The following AGBL1 variants were observed in gnomAD, a reference collection of about 807,000 sequenced individuals.
AGBL1 encodes the protein cytosolic carboxypeptidase 4.
A neutral mutation model predicts 118.9 loss-of-function variants in AGBL1; 130 were observed. That is an observed-to-expected ratio of 1.09 (90% CI 0.95 to 1.26). AGBL1 has a LOEUF of 1.26. Among genes scored for constraint, AGBL1 ranks in the 50% most tolerant of loss-of-function variants. AGBL1 has a pLI of 0.00. For missense variants in AGBL1, 1,584 were observed against 1,298.1 expected (o/e 1.22, Z -3.38); for synonymous variants, 555 against 478.9 (o/e 1.16, Z -2.08).
chr15:86,961,525 G>T (rs1227736025), intron 23 of AGBL1, among the ~76,000 whole-genome samples: 1 of 152,026 alleles, frequency 6.6e-6, no homozygotes, highest in Non-Finnish European at 1.5e-5. Flanking sequence ...TACACACAGG[G>T]GAGAGGGTCC....
chr15:86,252,175 G>C (rs547050905), intron 7 of AGBL1, among the ~76,000 whole-genome samples: 1 of 152,296 alleles, frequency 6.6e-6, no homozygotes, highest in Admixed American at 6.5e-5. Flanking sequence ...AGAACCACTG[G>C]AATAAGAACT....
intron 16 of AGBL1, among the ~76,000 whole-genome samples, chr15:86,282,441 A>C (rs977266523): frequency 6.6e-6 from 1 of 152,202 alleles, no homozygotes; most frequent in African/African-American, 2.4e-5. Context: ...CCTCCAGGGA[A>C]GTTTGTGGAG....
intron 21 of AGBL1, among the ~76,000 whole-genome samples, chr15:86,554,759 A>G (rs1328180455): frequency 6.6e-6 from 1 of 152,134 alleles, no homozygotes; most frequent in African/African-American, 2.4e-5. Flanking sequence ...TTGGTTCCTC[A>G]ATCAGCTGCC....
intron 21 of AGBL1, among the ~76,000 whole-genome samples, chr15:86,578,380 G>A (rs573609237): frequency 3.2e-4 from 48 of 152,278 alleles, no homozygotes; most frequent in African/African-American, 1.0e-3. Flanking sequence ...TATCTAGGAG[G>A]TAACTAACTT....
At chr15:86,718,568 G>A (rs1384656682) in intron 22 of AGBL1, among the ~76,000 whole-genome samples, 1 of 152,152 alleles carries the variant, frequency 6.6e-6, no homozygotes, top group East Asian at 1.9e-4. Context: ...TGATGGAGAA[G>A]CAAGCAATCA....
At chr15:86,079,798 G>A (rs1311639469), upstream of AGBL1, 5 of 403,980 alleles carry the variant, frequency 1.2e-5, no homozygotes, top group Admixed American at 8.9e-5. Context: ...GGGTATTCAC[G>A]CCTGTGCCGA....
At chr15:86,977,109 A>G (rs972732029) in intron 23 of AGBL1, among the ~76,000 whole-genome samples, 4 of 152,104 alleles carry the variant, frequency 2.6e-5, no homozygotes, top group Middle Eastern at 3.4e-3. Context: ...TACATCTTAT[A>G]TAAAGATTTC....
At chr15:86,586,363 T>G (rs2084247879) in intron 21 of AGBL1, among the ~76,000 whole-genome samples, 3 of 152,192 alleles carry the variant, frequency 2.0e-5, no homozygotes, top group African/African-American at 7.2e-5. Flanking sequence ...TATTAGAACT[T>G]ACTATGTGTT....
intron 18 of AGBL1, among the ~76,000 whole-genome samples, chr15:86,486,615 A>C (rs1209460165): frequency 1.3e-5 from 2 of 152,172 alleles, no homozygotes; most frequent in Non-Finnish European, 2.9e-5. Context: ...AGTTGTCATG[A>C]GTAAAGAACT....
At chr15:86,175,337 A>G (rs946622064) in intron 5 of AGBL1, among the ~76,000 whole-genome samples, 4 of 151,898 alleles carry the variant, frequency 2.6e-5, no homozygotes, top group Admixed American at 2.6e-4. Context: ...TATTCTTTGT[A>G]CTTCTGTGGT....
chr15:86,317,505 A>G (rs1243767879), intron 17 of AGBL1, among the ~76,000 whole-genome samples: 1 of 152,230 alleles, frequency 6.6e-6, no homozygotes, highest in African/African-American at 2.4e-5. Context: ...GGCAGTATGA[A>G]TGATGAATCG....
At chr15:86,487,518 C>G (rs1266488342) in intron 18 of AGBL1, among the ~76,000 whole-genome samples, 1 of 151,688 alleles carries the variant, frequency 6.6e-6, no homozygotes, top group African/African-American at 2.4e-5. Context: ...CTTAGAAATG[C>G]AGATACTTCT....
At chr15:86,517,671 T>C (rs1464764559) in intron 18 of AGBL1, among the ~76,000 whole-genome samples, 2 of 152,222 alleles carry the variant, frequency 1.3e-5, no homozygotes, top group African/African-American at 4.8e-5. Flanking sequence ...TCTGGATTAT[T>C]GACTCTCCTG....
At chr15:86,171,954 A>G (rs1320743700) in intron 5 of AGBL1, among the ~76,000 whole-genome samples, 1 of 152,216 alleles carries the variant, frequency 6.6e-6, no homozygotes. Context: ...AAAACCAAAC[A>G]TCTTATGTTC....
At chr15:86,769,926 C>T (rs966695746) in intron 22 of AGBL1, among the ~76,000 whole-genome samples, 3 of 151,802 alleles carry the variant, frequency 2.0e-5, no homozygotes, top group Non-Finnish European at 4.4e-5. Flanking sequence ...AGTGCATATC[C>T]CAGAACAAAG....
At chr15:86,815,886 A>G (rs1050518397) in intron 22 of AGBL1, among the ~76,000 whole-genome samples, 2 of 152,240 alleles carry the variant, frequency 1.3e-5, no homozygotes, top group African/African-American at 4.8e-5. Context: ...AGCAAAGGAG[A>G]TTTTCATAAA....
intron 22 of AGBL1, among the ~76,000 whole-genome samples, chr15:86,759,830 T>C (rs28725282): frequency 0.044 from 6,658 of 152,222 alleles, 467 homozygotes; most frequent in African/African-American, 0.15. Context: ...GAAACATTTA[T>C]TGTAATCATT....
At chr15:86,241,705 G>A (rs1051950980) in intron 6 of AGBL1, among the ~76,000 whole-genome samples, 3 of 152,176 alleles carry the variant, frequency 2.0e-5, no homozygotes. Context: ...GCCTAATCAT[G>A]TCTTCAAGGC....
chr15:86,111,881 A>G (rs1052283265), intron 1 of AGBL1, among the ~76,000 whole-genome samples: 4 of 152,180 alleles, frequency 2.6e-5, no homozygotes, highest in African/African-American at 7.2e-5. Flanking sequence ...CTCTCTCATT[A>G]CTGCCTAAAC....
Sources: gnomAD v4.1 joint callset for allele counts (sites outside exome capture counted in the v4.1 genomes callset) on GRCh38, gnomAD v4.1.1 for gene constraint, MANE v1.5 for transcripts, NCBI Gene and HGNC (gene_info 2026-07-23, HGNC 2026-07-21) for gene names.